PARVB: variants seen among roughly 807,000 people sequenced by gnomAD.
PARVB encodes beta-parvin.
PARVB carries 46 observed loss-of-function variants against 47.0 expected under a neutral mutation model. That is an observed-to-expected ratio of 0.98 (90% CI 0.77 to 1.25). The LOEUF (loss-of-function observed/expected upper bound fraction) is 1.25. Among genes scored for constraint, PARVB ranks in the 50% most tolerant of loss-of-function variants. The probability of loss-of-function intolerance (pLI) is 0.00; values close to 1 mark genes in which losing one functional copy is unlikely to be tolerated. For synonymous variants in PARVB, 196 were observed against 196.3 expected (o/e 1.00, Z 0.01); for missense variants, 473 against 471.6 (o/e 1.00, Z -0.03).
At chr22:44,054,482 C>T (rs1394382130) in intron 1 of PARVB, among the ~76,000 whole-genome samples, 1 of 152,040 alleles carries the variant, frequency 6.6e-6, no homozygotes. Context: ...TCCCAAAGTG[C>T]TCAGATTACA....
Position 44,169,014 on chromosome 22 carries a change from G to C in PARVB, c.*336G>C, listed in dbSNP as rs995994580. On this transcript the variant is annotated 3_prime_UTR_variant, in exon 13 of 13. Coordinates refer to ENST00000338758, the MANE Select transcript of PARVB (RefSeq NM_013327.5). ...TTGGCCGAAAGATGAAAAAAAGCCT[G>C]AACCCCAACCCCCAGCTGGTTGAGA... The C allele has an allele frequency of 3.9e-5, 9 of 228,202 alleles. 1 individual carries two copies. Among genetic ancestry groups the C allele is most frequent in the South Asian group, 6.9e-5 (1 of 14,452 alleles). 14.1% of individuals were successfully genotyped at this position (228,202 alleles called of 1,614,324 possible). A position where few individuals can be genotyped will look rare whatever the true frequency, so the allele number is the denominator to read the frequency against.
chr22:44,095,353 A>G (rs1293122964), intron 2 of PARVB, among the ~76,000 whole-genome samples: 2 of 152,216 alleles, frequency 1.3e-5, no homozygotes, highest in East Asian at 1.9e-4. Flanking sequence ...TCCTAAGAAT[A>G]CAAAAATTAG....
chr22:44,026,385 G>C, intron 1 of PARVB: 1 of 984,522 alleles, frequency 1.0e-6, no homozygotes, highest in Non-Finnish European at 1.2e-6. Context: ...GGGTGAGCTG[G>C]GCGCCCTGCC....
At position 44,148,280 on chromosome 22, in the gene PARVB, A is replaced by T. The variant is rs1239627922; in HGVS notation, c.774+358A>T. 2.8e-5 allele frequency: 10 copies of T among 354,860 alleles called. No homozygotes were observed. In the East Asian group the frequency reaches 7.0e-4, roughly 25 times the overall value. The allele number at this position is 354,860 out of a possible 1,614,324, so 22.0% of individuals were successfully genotyped here. On this transcript the variant is annotated intron_variant, in intron 9 of 12. Transcript: ENST00000338758. ...TTTACCATCTACAGCCTGCCCAGTA[A>T]ACACGCAGGCCTGTGCGGCTGAGCT...
intron 4 of PARVB, among the ~76,000 whole-genome samples, chr22:44,126,417 CTGT>C (rs1208546418): frequency 6.6e-6 from 1 of 152,232 alleles, no homozygotes; most frequent in African/African-American, 2.4e-5. Context: ...ACACCCAGCA[CTGT>C]TGGGTACCAC....
intron 8 of PARVB, chr22:44,146,337 G>GCACACAGGTGCTCACACA (rs923245266): frequency 1.1e-5 from 1 of 94,602 alleles, no homozygotes; most frequent in Non-Finnish European, 2.2e-5. Flanking sequence ...GTGCTCACGT[G>GCACACAGGTGCTCACACA]CACACAGGTG....
chr22:44,161,308 C>CT (rs769442547), intron 11 of PARVB, among the ~76,000 whole-genome samples: 8,191 of 128,642 alleles, frequency 0.064, 802 homozygotes, highest in African/African-American at 0.21. Context: ...TTTTTCTTTT[C>CT]TTTTTTTTTT....
intron 1 of PARVB, among the ~76,000 whole-genome samples, chr22:44,048,698 A>G (rs1451328605): frequency 6.6e-6 from 1 of 152,168 alleles, no homozygotes; most frequent in Non-Finnish European, 1.5e-5. Flanking sequence ...AGTAGCTGGG[A>G]TGACAGGAGT....
At chr22:44,102,349 C>CTG (rs1441885193) in intron 3 of PARVB, among the ~76,000 whole-genome samples, 10 of 152,356 alleles carry the variant, frequency 6.6e-5, no homozygotes, top group African/African-American at 2.4e-4. Flanking sequence ...AACAATGTTT[C>CTG]ATTGGCTATC....
intron 5 of PARVB, among the ~76,000 whole-genome samples, chr22:44,132,169 C>G (rs1209034682): frequency 1.6e-4 from 25 of 152,170 alleles, no homozygotes; most frequent in Admixed American, 1.6e-3. Context: ...CTTCAGGGCT[C>G]TCTGTGCTGG....
intron 12 of PARVB, chr22:44,168,064 C>G (rs536967546): frequency 6.3e-6 from 1 of 157,994 alleles, no homozygotes; most frequent in Non-Finnish European, 1.4e-5. Context: ...CCAAGGGCCT[C>G]GAGCGTTACC....
At chr22:44,084,059 G>A (rs116191716) in intron 1 of PARVB, among the ~76,000 whole-genome samples, 83 of 152,318 alleles carry the variant, frequency 5.4e-4, no homozygotes, top group African/African-American at 1.9e-3. Flanking sequence ...GAGCTCTTTC[G>A]ATCTGGTGCC....
intron 4 of PARVB, among the ~76,000 whole-genome samples, chr22:44,129,088 A>G (rs2053253838): frequency 1.3e-5 from 2 of 152,142 alleles, no homozygotes; most frequent in African/African-American, 4.8e-5. Context: ...CAAAAAAATA[A>G]AAAAATTAAA....
chr22:44,137,032 G>A (rs2053454363), intron 7 of PARVB, among the ~76,000 whole-genome samples: 1 of 152,216 alleles, frequency 6.6e-6, no homozygotes, highest in South Asian at 2.1e-4. Context: ...GTGGTATGTG[G>A]TTTTAAGGAC....
chr22:44,159,270 A>C (rs1290571550), intron 11 of PARVB, among the ~76,000 whole-genome samples: 2 of 152,174 alleles, frequency 1.3e-5, no homozygotes, highest in Non-Finnish European at 2.9e-5. Flanking sequence ...TTCTTTCTTC[A>C]AACTAGTAAG....
At chr22:44,086,237 TC>T (rs1256088899) in intron 1 of PARVB, among the ~76,000 whole-genome samples, 1 of 152,210 alleles carries the variant, frequency 6.6e-6, no homozygotes, top group Non-Finnish European at 1.5e-5. Context: ...CATCCATTTC[TC>T]GGCAAAAACA....
chr22:44,165,147 A>G (rs1378981805), intron 12 of PARVB, among the ~76,000 whole-genome samples: 1 of 152,130 alleles, frequency 6.6e-6, no homozygotes, highest in East Asian at 1.9e-4. Context: ...GCATACCACC[A>G]TGCCCGGCTA....
In PARVB at chr22:44,171,377, C is replaced by A. The variant is rs2054266829; in HGVS notation, c.*2699C>A. On this transcript the variant is annotated 3_prime_UTR_variant, in exon 13 of 13. Coordinates refer to ENST00000338758, the MANE Select transcript of PARVB (RefSeq NM_013327.5). ...CATGCATGGTATGTATGCCTGTAAT[C>A]CCAGCTATTCGGGAGGCTGAGGCAG... 1.3e-5 allele frequency: 2 copies of A among 152,034 alleles called. No individual in the cohort carries two copies. Among genetic ancestry groups the A allele is most frequent in the Admixed American group, 6.6e-5 (1 of 15,256 alleles). 9.4% of individuals were successfully genotyped at this position (152,034 alleles called of 1,614,324 possible).
rs2052102634 is a variant in PARVB, at chr22:44,089,158, G to A, written c.113-4770G>A. Among the ~76,000 whole-genome samples the A allele has an allele frequency of 6.6e-6, 1 of 152,138 alleles. No individual in the cohort carries two copies. Among genetic ancestry groups the A allele is most frequent in the African/African-American group, 2.4e-5 (1 of 41,410 alleles). ...CCCTCCTGTCTCTCTCTTCCTACCT[G>A]GCCCCCCGTGCAGGCCACAGAGCGT... is the stretch of plus-strand genomic sequence containing the variant. On this transcript the variant is annotated intron_variant, in intron 1 of 12. Coordinates refer to ENST00000338758, the MANE Select transcript of PARVB (RefSeq NM_013327.5). This position sits in a 1 kb window ranked among gnomAD's most constrained non-coding sequence, Gnocchi z 4.0.
Sources: allele counts gnomAD v4.1 joint callset (sites outside exome capture counted in the v4.1 genomes callset), GRCh38; gene constraint gnomAD v4.1.1; non-coding constraint Gnocchi (gnomAD v3.1); transcripts MANE v1.5; gene names NCBI Gene and HGNC (gene_info 2026-07-23, HGNC 2026-07-21).